Variants in CLUL1 observed in about 807,000 individuals in gnomAD.
The protein encoded by CLUL1 is clusterin like 1, also known as clusterin-like protein 1.
Under a neutral mutation model 49.4 loss-of-function variants are expected in CLUL1, and 43 were observed. That is an observed-to-expected ratio of 0.87 (90% CI 0.68 to 1.12). The LOEUF (loss-of-function observed/expected upper bound fraction) is 1.12, where lower values mean the gene tolerates loss of function less well. Ranked by LOEUF, CLUL1 falls within the 50% of genes most tolerant of loss-of-function variation. CLUL1 has a pLI of 0.00. For missense variants in CLUL1, 486 were observed against 544.4 expected, an observed-to-expected ratio of 0.89 and a Z score of 1.07; for synonymous variants, 192 against 184.9, an observed-to-expected ratio of 1.04 and a Z score of -0.31.
At chr18:626,628 G>T (rs1696356192) in intron 5 of CLUL1, among the ~76,000 whole-genome samples, 1 of 151,340 alleles carries the variant, frequency 6.6e-6, no homozygotes, top group Admixed American at 6.6e-5. Context: ...GGAGGCCAAG[G>T]CATGTGGATT....
intron 1 of CLUL1, among the ~76,000 whole-genome samples, chr18:600,466 G>A (rs927709784): frequency 6.6e-6 from 1 of 152,132 alleles, no homozygotes; most frequent in Admixed American, 6.5e-5. Context: ...AATGGTCCGT[G>A]GTACAGTAGT....
intron 6 of CLUL1, among the ~76,000 whole-genome samples, chr18:627,788 T>C (rs1289375840): frequency 6.6e-6 from 1 of 151,132 alleles, no homozygotes; most frequent in Non-Finnish European, 1.5e-5. Context: ...GGTTGAGAAC[T>C]TGAAAAAAAA....
chr18:616,707 C>T lies in CLUL1; in HGVS notation c.-13-1281C>T, dbSNP rs756840443. On this transcript the variant is annotated intron_variant, in intron 2 of 9. Coordinates refer to ENST00000692774, the MANE Select transcript of CLUL1 (RefSeq NM_001393344.1). ...GGATGAAAATTAAAGCAGAGAAAAA[C>T]GAAGGTCCTTCCAGAAGCTGGTGGC... The T allele has an allele frequency of 1.4e-4, 137 of 983,232 alleles. 1 individual carries two copies. Among genetic ancestry groups the T allele is most frequent in the Non-Finnish European group, 1.6e-4 (129 of 828,080 alleles). The allele number at this position is 983,232 out of a possible 1,614,324, so 60.9% of individuals were successfully genotyped here.
intron 1 of CLUL1, among the ~76,000 whole-genome samples, chr18:603,935 C>T (rs565503804): frequency 6.1e-4 from 93 of 152,324 alleles, no homozygotes; most frequent in African/African-American, 2.2e-3. Context: ...GGCTGGAGTG[C>T]AGTGTCGTGA....
In CLUL1 at chr18:598,566, G is replaced by A. The variant is rs1362476005; in HGVS notation, c.-136+1437G>A. 3 of 398,478 alleles carry A rather than the reference G, an allele frequency of 7.5e-6. No individual in the cohort carries two copies. The East Asian group carries it at 1.1e-4, about 14-fold the overall frequency. 24.7% of individuals were successfully genotyped at this position (398,478 alleles called of 1,614,324 possible). A position where few individuals can be genotyped will look rare whatever the true frequency, so the allele number is the denominator to read the frequency against. ...AGTGGGAACAGAAGTACCTCTCTTGGATAATTTACAACACTGGTGAGCAGA... is the reference window on the plus strand; with the variant it reads ...AGTGGGAACAGAAGTACCTCTCTTGAATAATTTACAACACTGGTGAGCAGA... On this transcript the variant is annotated intron_variant, in intron 1 of 9. Coordinates refer to ENST00000692774, the MANE Select transcript of CLUL1 (RefSeq NM_001393344.1).
chr18:626,907 G>GA (rs371928656), intron 5 of CLUL1, among the ~76,000 whole-genome samples, 190 bp from the exon 6 acceptor site: 1 of 25,178 alleles, frequency 4.0e-5, no homozygotes, highest in African/African-American at 2.0e-4. Context: ...AAGAAAGAAA[G>GA]AAAGAAAGAA....
chr18:645,405 TATA>T (rs1444098354), intron 9 of CLUL1, among the ~76,000 whole-genome samples: 5 of 152,304 alleles, frequency 3.3e-5, no homozygotes, highest in South Asian at 4.1e-4. Context: ...TTCCTTTTGA[TATA>T]ATAATTCCAC....
chr18:638,104 C>T (rs534646940), intron 7 of CLUL1, among the ~76,000 whole-genome samples: 65 of 152,316 alleles, frequency 4.3e-4, no homozygotes, highest in Non-Finnish European at 8.8e-4. Flanking sequence ...ATATCTGCTT[C>T]GTACACATCT....
chr18:609,696 T>C (rs1000340102), intron 2 of CLUL1, among the ~76,000 whole-genome samples: 2 of 151,998 alleles, frequency 1.3e-5, no homozygotes, highest in African/African-American at 4.8e-5. Context: ...TGTTGGTGCA[T>C]GCTTGTAATC....
At chr18:634,116 T>C (rs1335315173) in intron 7 of CLUL1, among the ~76,000 whole-genome samples, 1 of 151,894 alleles carries the variant, frequency 6.6e-6, no homozygotes, top group African/African-American at 2.4e-5. Context: ...GCGTTCAATG[T>C]AGGTTTATAA....
intron 8 of CLUL1, among the ~76,000 whole-genome samples, chr18:643,194 A>C (rs551229922): frequency 6.6e-6 from 1 of 152,398 alleles, no homozygotes; most frequent in African/African-American, 2.4e-5. Flanking sequence ...AGTCATATGC[A>C]CATCATGGAA....
At position 618,411 on chromosome 18, in the gene CLUL1, A is replaced by G. The variant is rs1167979260; in HGVS notation, c.106+305A>G. Among the ~76,000 whole-genome samples the G allele has an allele frequency of 6.6e-6, 1 of 152,198 alleles. No homozygotes were observed. Among genetic ancestry groups the G allele is most frequent in the African/African-American group, 2.4e-5 (1 of 41,440 alleles). ...GTGTCATCTCAGCACAGCTCTAATG[A>G]ACAGTGAAATACTTTTCTAGCATTT... is the stretch of plus-strand genomic sequence containing the variant. On this transcript the variant is annotated intron_variant, in intron 3 of 9. Transcript: ENST00000692774. The surrounding 1 kb of genome is among the most constrained non-coding windows in gnomAD (Gnocchi z 4.2).
chr18:602,016 C>G (rs898449922), intron 1 of CLUL1, among the ~76,000 whole-genome samples: 6 of 151,928 alleles, frequency 3.9e-5, no homozygotes, highest in African/African-American at 1.5e-4. Context: ...AGGCCAGGAG[C>G]TCAAGACCAG....
chr18:613,803 C>T (rs1209217468), intron 2 of CLUL1, among the ~76,000 whole-genome samples: 1 of 152,198 alleles, frequency 6.6e-6, no homozygotes, highest in Non-Finnish European at 1.5e-5. Context: ...AATGACATTG[C>T]ACTCTGTGTG....
chr18:637,545 A>G (rs2074182900), intron 7 of CLUL1, among the ~76,000 whole-genome samples: 1 of 151,774 alleles, frequency 6.6e-6, no homozygotes, highest in African/African-American at 2.4e-5. Flanking sequence ...CCTCTACCCC[A>G]CCTTAGAATG....
intron 4 of CLUL1, among the ~76,000 whole-genome samples, chr18:619,843 G>C (rs1420234726): frequency 6.6e-6 from 1 of 152,006 alleles, no homozygotes; most frequent in Non-Finnish European, 1.5e-5. Flanking sequence ...CCTAGTAGCT[G>C]GGATTACAGG....
chr18:597,748 C>G (rs1238949210), intron 1 of CLUL1: 1 of 152,120 alleles, frequency 6.6e-6, no homozygotes, highest in African/African-American at 2.4e-5. Flanking sequence ...AAAAGAATCA[C>G]TCTGAAAACG....
chr18:625,672 T>C (rs2073665034), intron 5 of CLUL1, among the ~76,000 whole-genome samples: 2 of 152,072 alleles, frequency 1.3e-5, no homozygotes, highest in African/African-American at 4.8e-5. Flanking sequence ...GTGACCTGAA[T>C]AGGATGAGCT....
chr18:607,635 C>G (rs946581600), intron 2 of CLUL1, among the ~76,000 whole-genome samples: 4 of 152,110 alleles, frequency 2.6e-5, no homozygotes, highest in African/African-American at 9.7e-5. Flanking sequence ...ACCCTGGTGT[C>G]CAGGCTGGTC....
Sources: gnomAD v4.1 joint callset for allele counts (sites outside exome capture counted in the v4.1 genomes callset) on GRCh38, gnomAD v4.1.1 for gene constraint, Gnocchi (gnomAD v3.1) non-coding constraint, MANE v1.5 for transcripts, NCBI Gene and HGNC (gene_info 2026-07-23, HGNC 2026-07-21) for gene names.